Variants in DDX50 observed in about 807,000 individuals in gnomAD.
The protein encoded by DDX50 is DExD-box helicase 50.
Under a neutral mutation model 94.8 loss-of-function variants are expected in DDX50, and 56 were observed. The ratio of observed to expected loss-of-function variants is 0.59; its 90% CI spans 0.48 to 0.74. The LOEUF is 0.74. Ranked by LOEUF, DDX50 falls within the 30% of genes least tolerant of loss-of-function variation. DDX50 has a pLI of 0.00. For synonymous variants in DDX50, 264 were observed against 295.4 expected (o/e 0.89, Z 1.09); for missense variants, 713 against 881.2 (o/e 0.81, Z 2.42).
intron 1 of DDX50, among the ~76,000 whole-genome samples, chr10:68,904,581 A>G (rs192995632): frequency 1.1e-4 from 16 of 152,348 alleles, no homozygotes; most frequent in Admixed American, 9.1e-4. Flanking sequence ...AGAAGGGAAT[A>G]TAAAGTGTAA....
chr10:68,946,171 A>G (rs887259530), intron 14 of DDX50, among the ~76,000 whole-genome samples, 181 bp from the exon 15 acceptor site: 7 of 152,200 alleles, frequency 4.6e-5, no homozygotes, highest in African/African-American at 1.7e-4. Context: ...GTATGAATTT[A>G]TGATCTCGAA....
At chr10:68,936,538 ATATATATATAT>A in intron 11 of DDX50, among the ~76,000 whole-genome samples, 5 of 127,566 alleles carry the variant, frequency 3.9e-5, no homozygotes, top group Admixed American at 8.5e-5. Context: ...ATATATATAT[ATATATATATAT>A]AAAATGTGGC....
intron 8 of DDX50, among the ~76,000 whole-genome samples, chr10:68,927,559 T>A (rs1021328633): frequency 3.3e-5 from 5 of 152,254 alleles, no homozygotes; most frequent in Non-Finnish European, 5.9e-5. Context: ...ATTTTGTACA[T>A]ACGTACATAT....
chr10:68,916,744 T>C (rs1841806016), intron 7 of DDX50, among the ~76,000 whole-genome samples: 1 of 152,212 alleles, frequency 6.6e-6, no homozygotes, highest in Non-Finnish European at 1.5e-5. Flanking sequence ...AGTGCAATGG[T>C]GTGATCTCAG....
chr10:68,937,204 T>C, intron 12 of DDX50, 109 bp downstream of exon 12: 1 of 1,215,024 alleles, frequency 8.2e-7, no homozygotes, highest in Non-Finnish European at 1.1e-6. Context: ...ACTGTTTTGC[T>C]CTATGAGAAA....
At chr10:68,928,512 T>A (rs1418177667) in intron 8 of DDX50, among the ~76,000 whole-genome samples, 1 of 152,166 alleles carries the variant, frequency 6.6e-6, no homozygotes, top group Non-Finnish European at 1.5e-5. Flanking sequence ...CTCTATATTA[T>A]TTTTTAAAAA....
intron 2 of DDX50, among the ~76,000 whole-genome samples, chr10:68,909,652 ATCT>A (rs2132024561): frequency 6.6e-6 from 1 of 151,506 alleles, no homozygotes; most frequent in South Asian, 2.1e-4. Context: ...AGGTAGGAGG[ATCT>A]TTTTTTTTTT....
rs1841683614 is a variant in DDX50, at chr10:68,913,234, C to T, written c.712C>T (p.Leu238Phe). ...AKDFKDITRK[L>F]SVACFYGGTS... ...AGACTTCAAAGATATAACTAGGAAA[C>T]TCAGCGTGGCGTGTTTTTATGGTGG... is the stretch of plus-strand genomic sequence containing the variant. The change falls in exon 5 of 15, where the codon CTC becomes TTC. Residue 238 changes from leucine to phenylalanine, a missense_variant. Leu to Phe is a conservative substitution (Grantham distance 22). Transcript: ENST00000373585. 3 of 1,613,270 alleles carry T rather than the reference C, an allele frequency of 1.9e-6. No homozygotes were observed. Among genetic ancestry groups the T allele is most frequent in the Non-Finnish European group, 2.5e-6 (3 of 1,179,870 alleles).
chr10:68,911,847 A>G (rs1420836614), intron 4 of DDX50: 1 of 152,196 alleles, frequency 6.6e-6, no homozygotes, highest in Non-Finnish European at 1.5e-5. Flanking sequence ...TATTTTATAA[A>G]TGTAAAATCA....
At chr10:68,941,284 C>G (rs1395468453) in intron 13 of DDX50, 90 bp downstream of exon 13, 2 of 1,506,626 alleles carry the variant, frequency 1.3e-6, no homozygotes, top group African/African-American at 2.8e-5. Flanking sequence ...CTCTTTGAAG[C>G]CTAATGGCAT....
Position 68,906,867 on chromosome 10 carries a change from T to C in DDX50, c.244T>C (p.Ser82Pro). Reference protein sequence around the residue: ...GDTEEGFNRLSDEFSKSHKSR... With the variant: ...GDTEEGFNRLPDEFSKSHKSR... ...CACTGAAGAAGGATTTAATAGACTT[T>C]CAGATGAATTCTCCAAATCTCATAA... Residue 82 changes from serine (S) to proline (P), a missense_variant, in exon 2 of 15, where the codon TCA becomes CCA. Physicochemically the swap from Ser to Pro is moderately conservative, Grantham distance 74. Coordinates refer to ENST00000373585, the MANE Select transcript of DDX50 (RefSeq NM_024045.2). 2.5e-6 allele frequency: 4 copies of C among 1,612,444 alleles called. No homozygotes were observed. Among genetic ancestry groups the C allele is most frequent in the Non-Finnish European group, 3.4e-6 (4 of 1,179,720 alleles).
intron 14 of DDX50, among the ~76,000 whole-genome samples, chr10:68,945,309 A>T (rs551607891): frequency 0.059 from 8,699 of 148,264 alleles, 304 homozygotes; most frequent in Middle Eastern, 0.11. Context: ...TAATAACAAC[A>T]TTTTTTTTTT....
chr10:68,930,054 CCTTCCTTT>C (rs537080470), intron 8 of DDX50, among the ~76,000 whole-genome samples: 47 of 145,888 alleles, frequency 3.2e-4, no homozygotes, highest in Admixed American at 1.1e-3. Context: ...TTCCTTCCTT[CCTTCCTTT>C]CTTTTCCTTC....
rs189710637 is a variant in DDX50 at position 68,929,765 on chromosome 10, C to T, written c.1240-4434C>T. Among the ~76,000 whole-genome samples, 26 of 132,456 alleles carry T rather than the reference C, an allele frequency of 2.0e-4. No homozygotes were observed. The East Asian group carries it at 5.2e-3, about 26-fold the overall frequency. 86.9% of individuals were successfully genotyped at this position (132,456 alleles called of 152,430 possible). On this transcript the variant is annotated intron_variant, in intron 8 of 14. Transcript: ENST00000373585. Reference sequence around the variant, plus strand: ...TTTTTGAGATGGAGTCTCACTGTGTCGCCCAGACTGGAGTGCAGTGGTGCG... The same window carrying T: ...TTTTTGAGATGGAGTCTCACTGTGTTGCCCAGACTGGAGTGCAGTGGTGCG...
Position 68,934,130 on chromosome 10 carries a change from T to A in DDX50, c.1240-69T>A. The A allele has an allele frequency of 6.9e-7, 1 of 1,439,180 alleles. No individual in the cohort carries two copies. Among genetic ancestry groups the A allele is most frequent in the Non-Finnish European group, 9.5e-7 (1 of 1,056,908 alleles). The allele number at this position is 1,439,180 out of a possible 1,614,324, so 89.2% of individuals were successfully genotyped here. ...AAAAACATGCAAAAGGAGCACAGAC[T>A]AGATGTTGTTGTGCTATCAGTTGCA... On this transcript the variant is annotated intron_variant, in intron 8 of 14. Transcript: ENST00000373585. This position sits in a 1 kb window ranked among gnomAD's most constrained non-coding sequence, Gnocchi z 4.0.
At chr10:68,930,016 A>G (rs1842211095) in intron 8 of DDX50, among the ~76,000 whole-genome samples, 1 of 150,762 alleles carries the variant, frequency 6.6e-6, no homozygotes, top group Non-Finnish European at 1.5e-5. Context: ...TACAGGTGTG[A>G]GCCACTGTGC....
At chr10:68,904,253 G>A (rs1455116901) in intron 1 of DDX50, among the ~76,000 whole-genome samples, 2 of 152,040 alleles carry the variant, frequency 1.3e-5, no homozygotes, top group Admixed American at 1.3e-4. Context: ...TGAGGCCACA[G>A]TGAACCATGG....
In DDX50 at chr10:68,926,045, G is replaced by A. The variant is rs193104753; in HGVS notation, c.1239+6064G>A. The stretch of plus-strand genomic sequence containing the variant: ...AAAAAAAGATTAGCCAGTTGTGGTG[G>A]CACGTTCCTGTATTCCTGTCTACTT... On this transcript the variant is annotated intron_variant, in intron 8 of 14. Coordinates refer to ENST00000373585, the MANE Select transcript of DDX50 (RefSeq NM_024045.2). Among the ~76,000 whole-genome samples the A allele has an allele frequency of 4.1e-5, 6 of 144,938 alleles. No homozygotes were observed. In the East Asian group the frequency reaches 1.2e-3, roughly 30 times the overall value.
chr10:68,909,932 G>C (rs1056372155), intron 2 of DDX50, among the ~76,000 whole-genome samples: 2 of 152,150 alleles, frequency 1.3e-5, no homozygotes, highest in Admixed American at 1.3e-4. Flanking sequence ...AAAGTGCTGG[G>C]ATTACGGGCA....
Sources: gnomAD v4.1 joint callset for allele counts (sites outside exome capture counted in the v4.1 genomes callset) on GRCh38, gnomAD v4.1.1 for gene constraint, Gnocchi (gnomAD v3.1) non-coding constraint, MANE v1.5 for transcripts, NCBI Gene and HGNC (gene_info 2026-07-23, HGNC 2026-07-21) for gene names.